The following RYR3 variants were observed in gnomAD, a reference collection of about 807,000 sequenced individuals.
The protein encoded by RYR3 is ryanodine receptor 3.
Under a neutral mutation model 584.3 loss-of-function variants are expected in RYR3, and 207 were observed. That is an observed-to-expected ratio of 0.35 (90% CI 0.32 to 0.40). RYR3 has a LOEUF of 0.40. Ranked by LOEUF, RYR3 falls within the 10% of genes least tolerant of loss-of-function variation. The pLI is 1.00. For synonymous variants in RYR3, 2,416 were observed against 2,248.5 expected, an observed-to-expected ratio of 1.07 and a Z score of -2.11; for missense variants, 5,616 against 6,089.2, an observed-to-expected ratio of 0.92 and a Z score of 2.59.
intron 16 of RYR3, among the ~76,000 whole-genome samples, chr15:33,599,144 C>T (rs1348166292): frequency 6.6e-6 from 1 of 151,210 alleles, no homozygotes; most frequent in African/African-American, 2.4e-5. Flanking sequence ...GGAGTACTCT[C>T]AGACCTCAGC....
At chr15:33,556,971 T>C (rs2057108545) in intron 10 of RYR3, among the ~76,000 whole-genome samples, 1 of 152,216 alleles carries the variant, frequency 6.6e-6, no homozygotes, top group African/African-American at 2.4e-5. Context: ...CTAATAGTAG[T>C]ATATGTTTTC....
intron 3 of RYR3, among the ~76,000 whole-genome samples, chr15:33,527,154 C>T (rs2054459488): frequency 6.6e-6 from 1 of 152,124 alleles, no homozygotes; most frequent in African/African-American, 2.4e-5. Flanking sequence ...ATGCAAACTA[C>T]AGCCAACAGG....
chr15:33,482,880 T>G (rs2050095826), intron 2 of RYR3, among the ~76,000 whole-genome samples: 1 of 152,208 alleles, frequency 6.6e-6, no homozygotes, highest in South Asian at 2.1e-4. Flanking sequence ...TGTGCCATAT[T>G]TACTCTCTCC....
intron 65 of RYR3, among the ~76,000 whole-genome samples, chr15:33,783,102 A>G (rs2074480397): frequency 6.6e-6 from 1 of 152,212 alleles, no homozygotes; most frequent in South Asian, 2.1e-4. Flanking sequence ...AAGACTTTAG[A>G]ATCTAATCTG....
At chr15:33,589,403 A>G (rs890306881) in intron 16 of RYR3, among the ~76,000 whole-genome samples, 1 of 152,064 alleles carries the variant, frequency 6.6e-6, no homozygotes, top group Non-Finnish European at 1.5e-5. Context: ...CTCCTATTCT[A>G]TAGGTTTTCT....
At chr15:33,547,222 G>A (rs1460691239) in intron 8 of RYR3, among the ~76,000 whole-genome samples, 3 of 152,042 alleles carry the variant, frequency 2.0e-5, no homozygotes, top group Non-Finnish European at 2.9e-5. Context: ...ATACCCAACC[G>A]GTACTCCACA....
chr15:33,802,052 G>A lies in RYR3; in HGVS notation c.10011+91G>A, dbSNP rs574414658. ...TTCATACTTTCTGGGGATTAACACC[G>A]TACTGCATTTAGGTCAAACTACATG... is the stretch of plus-strand genomic sequence containing the variant. On this transcript the variant is annotated intron_variant, in intron 69 of 103. Transcript: ENST00000634891. The A allele has an allele frequency of 1.2e-4, 103 of 841,424 alleles. 2 individuals carry two copies. The highest frequency in any genetic ancestry group is 9.0e-4 in the South Asian group (68 of 75,272). 52.1% of individuals were successfully genotyped at this position (841,424 alleles called of 1,614,324 possible).
At chr15:33,668,593 A>G (rs2063629863) in intron 36 of RYR3, among the ~76,000 whole-genome samples, 1 of 152,228 alleles carries the variant, frequency 6.6e-6, no homozygotes, top group Non-Finnish European at 1.5e-5. Context: ...AGCAACAGGG[A>G]TAGGACATTT....
intron 32 of RYR3, among the ~76,000 whole-genome samples, chr15:33,656,804 C>A (rs1023523736): frequency 6.6e-6 from 1 of 152,214 alleles, no homozygotes; most frequent in Non-Finnish European, 1.5e-5. Context: ...ACGTGGCCCC[C>A]TCCATTTCAA....
chr15:33,804,269 C>T (rs952929933), intron 69 of RYR3, among the ~76,000 whole-genome samples: 8 of 152,154 alleles, frequency 5.3e-5, no homozygotes, highest in African/African-American at 1.4e-4. Flanking sequence ...TACAACTTAA[C>T]GAATGGATGA....
In RYR3 at chr15:33,725,974, C is replaced by CCCCCCG. The variant is rs1555427644; in HGVS notation, c.6913-410_6913-409insCCCGCC. 9.6e-4 allele frequency among the ~76,000 whole-genome samples: 36 copies of CCCCCCG among 37,640 alleles called. 6 individuals carry two copies. The highest frequency in any genetic ancestry group is 1.2e-3 in the Admixed American group (3 of 2,510). The allele number at this position is 37,640 out of a possible 152,430, so 24.7% of individuals were successfully genotyped here. On this transcript the variant is annotated intron_variant, in intron 45 of 103. Coordinates refer to ENST00000634891, the MANE Select transcript of RYR3 (RefSeq NM_001036.6). ...GACAGAGCAAGACTCCATCCCCCCC[C>CCCCCCG]CCAAAAAAAAAAAAAAAAAAAAACA...
intron 1 of RYR3, among the ~76,000 whole-genome samples, chr15:33,345,486 A>G (rs918317669): frequency 7.9e-5 from 12 of 152,256 alleles, no homozygotes; most frequent in Non-Finnish European, 1.8e-4. Context: ...CTAAAGGCCC[A>G]TGTTCCTGGA....
chr15:33,812,755 A>G (rs1391240731), intron 72 of RYR3, 108 bp from the exon 73 acceptor site: 3 of 1,019,034 alleles, frequency 2.9e-6, no homozygotes, highest in Admixed American at 2.6e-5. Context: ...TGAAGTGATA[A>G]TAGAAGGAGA....
chr15:33,750,137 GT>G, intron 56 of RYR3, 25 bp from the exon 57 acceptor site: 1 of 1,608,356 alleles, frequency 6.2e-7, no homozygotes, highest in Non-Finnish European at 8.5e-7. Flanking sequence ...AGAGCCAAAT[GT>G]CATCTCTCAC....
chr15:33,632,409 C>G (rs2061315300), intron 23 of RYR3, among the ~76,000 whole-genome samples: 1 of 152,252 alleles, frequency 6.6e-6, no homozygotes. Context: ...GAGGCTGTAA[C>G]TCTTGGACTG....
At chr15:33,769,265 G>A in intron 62 of RYR3, 93 bp downstream of exon 62, 1 of 960,686 alleles carries the variant, frequency 1.0e-6, no homozygotes, top group Non-Finnish European at 1.7e-6. Context: ...ACAGATCGCT[G>A]CTGCCAGGCT....
intron 1 of RYR3, among the ~76,000 whole-genome samples, chr15:33,352,670 A>G (rs1204031299): frequency 6.6e-6 from 1 of 152,214 alleles, no homozygotes; most frequent in Non-Finnish European, 1.5e-5. Context: ...CTTTAAGCTA[A>G]CAATGCATAG....
At chr15:33,725,563 C>G (rs2068329148) in intron 45 of RYR3, among the ~76,000 whole-genome samples, 1 of 152,196 alleles carries the variant, frequency 6.6e-6, no homozygotes, top group South Asian at 2.1e-4. Context: ...CTGAGCCCCT[C>G]AAGTTCTCTC....
intron 16 of RYR3, among the ~76,000 whole-genome samples, chr15:33,592,237 G>A (rs2059164902): frequency 1.3e-5 from 2 of 152,162 alleles, no homozygotes; most frequent in African/African-American, 4.8e-5. Flanking sequence ...ATAGAGTGTG[G>A]TTATTGGCTT....
Sources: gnomAD v4.1 joint callset for allele counts (sites outside exome capture counted in the v4.1 genomes callset) on GRCh38, gnomAD v4.1.1 for gene constraint, MANE v1.5 for transcripts, NCBI Gene and HGNC (gene_info 2026-07-23, HGNC 2026-07-21) for gene names.